TNPO1: variants seen among roughly 807,000 people sequenced by gnomAD.
TNPO1 encodes transportin 1, also known as transportin-1.
Under a neutral mutation model 119.5 loss-of-function variants are expected in TNPO1, and 8 were observed. That is an observed-to-expected ratio of 0.07 (90% CI 0.04 to 0.12). The LOEUF is 0.12. Among genes scored for constraint, TNPO1 ranks in the 10% least tolerant of loss-of-function variants. TNPO1 has a pLI of 1.00. For synonymous variants in TNPO1, 362 were observed against 363.0 expected, an observed-to-expected ratio of 1.00 and a Z score of 0.03; for missense variants, 576 against 1,089.8, an observed-to-expected ratio of 0.53 and a Z score of 6.64.
intron 20 of TNPO1, among the ~76,000 whole-genome samples, chr5:72,897,507 C>A (rs2112477553): frequency 6.6e-6 from 1 of 151,052 alleles, no homozygotes. Context: ...TTTAATCTGT[C>A]CAAATGTAGT....
chr5:72,896,335 T>C, intron 18 of TNPO1, 123 bp from the exon 19 acceptor site: 1 of 518,698 alleles, frequency 1.9e-6, no homozygotes, highest in East Asian at 3.6e-5. Context: ...GTTGCAGTAA[T>C]TTTTTTAATG....
intron 1 of TNPO1, among the ~76,000 whole-genome samples, chr5:72,827,913 C>G (rs1339405126): frequency 1.4e-5 from 2 of 141,874 alleles, no homozygotes; most frequent in African/African-American, 5.3e-5. Context: ...GAGGGAGATC[C>G]TGCCAAAAAA....
intron 13 of TNPO1, among the ~76,000 whole-genome samples, chr5:72,889,118 T>C (rs1251378646): frequency 6.6e-6 from 1 of 152,122 alleles, no homozygotes; most frequent in Non-Finnish European, 1.5e-5. Context: ...AGTGCAGTGG[T>C]GTGATCTTGG....
Position 72,911,319 on chromosome 5 carries a change from CT to C in TNPO1, c.*2657del, listed in dbSNP as rs936170130. ...TGCACCCAGTTTTGTAGTCACTTGA[CT>C]TTTTTTTTTTATTTAAATGAAATTT... On this transcript the variant is annotated 3_prime_UTR_variant, in exon 25 of 25. Coordinates refer to ENST00000337273, the MANE Select transcript of TNPO1 (RefSeq NM_002270.4). 4.8e-3 allele frequency: 695 copies of C among 145,172 alleles called. 4 individuals are homozygous for C. Among genetic ancestry groups the C allele is most frequent in the Middle Eastern group, 0.036 (10 of 278 alleles). 9.0% of individuals were successfully genotyped at this position (145,172 alleles called of 1,614,324 possible). A position where few individuals can be genotyped will look rare whatever the true frequency, so the allele number is the denominator to read the frequency against.
At chr5:72,882,377 T>G in intron 9 of TNPO1, 90 bp from the exon 10 acceptor site, 2 of 873,564 alleles carry the variant, frequency 2.3e-6, no homozygotes, top group Non-Finnish European at 3.6e-6. Flanking sequence ...GATTATCTCA[T>G]TGGTTTTATT....
chr5:72,866,375 AGG>A (rs1746902300), intron 6 of TNPO1, among the ~76,000 whole-genome samples: 1 of 152,214 alleles, frequency 6.6e-6, no homozygotes, highest in East Asian at 1.9e-4. Flanking sequence ...TCACGTTTCC[AGG>A]AAGTTTCCCC....
rs1747507548 is a variant in TNPO1, at chr5:72,872,867, A to G, written c.678+147A>G. 7.8e-6 allele frequency: 4 copies of G among 515,744 alleles called. No individual in the cohort carries two copies. The South Asian group carries it at 1.2e-4, about 15-fold the overall frequency. 31.9% of individuals were successfully genotyped at this position (515,744 alleles called of 1,614,324 possible). A position where few individuals can be genotyped will look rare whatever the true frequency, so the allele number is the denominator to read the frequency against. On this transcript the variant is annotated intron_variant, in intron 7 of 24. Transcript: ENST00000337273. ...ATTTAATTAAATTATTTCTGATAGT[A>G]TTAAAACTGGATATGGGATAGACTA...
chr5:72,816,875 C>T, intron 1 of TNPO1, 123 bp downstream of exon 1: 1 of 1,280,842 alleles, frequency 7.8e-7, no homozygotes, highest in Non-Finnish European at 1.0e-6. Flanking sequence ...GGCGCCTGCC[C>T]GGCCGTTTGA....
At chr5:72,894,478 T>G (rs893714365) in intron 18 of TNPO1, among the ~76,000 whole-genome samples, 1 of 152,210 alleles carries the variant, frequency 6.6e-6, no homozygotes, top group African/African-American at 2.4e-5. Context: ...AAGACCATCC[T>G]GGCTAACACG....
intron 1 of TNPO1, among the ~76,000 whole-genome samples, chr5:72,843,807 T>C (rs918509703): frequency 2.0e-5 from 3 of 152,164 alleles, no homozygotes; most frequent in Non-Finnish European, 4.4e-5. Context: ...AAAATTTTAA[T>C]TGAACCAGAT....
At chr5:72,899,234 G>T (rs1199788529) in intron 20 of TNPO1, among the ~76,000 whole-genome samples, 2 of 152,060 alleles carry the variant, frequency 1.3e-5, no homozygotes, top group African/African-American at 4.8e-5. Context: ...TCATTGCAGT[G>T]GACTGTAAAT....
intron 9 of TNPO1, 78 bp from the exon 10 acceptor site, chr5:72,882,389 G>T: frequency 9.5e-7 from 1 of 1,053,514 alleles, no homozygotes; most frequent in Non-Finnish European, 1.4e-6. Context: ...GGTTTTATTA[G>T]TACATGTAAG....
chr5:72,899,576 GAT>G (rs1749672044), intron 20 of TNPO1, among the ~76,000 whole-genome samples: 1 of 152,012 alleles, frequency 6.6e-6, no homozygotes, highest in South Asian at 2.1e-4. Flanking sequence ...CACATTTACT[GAT>G]ATTTTCTCAT....
At chr5:72,869,789 C>T (rs907749603) in intron 6 of TNPO1, among the ~76,000 whole-genome samples, 2 of 152,154 alleles carry the variant, frequency 1.3e-5, no homozygotes, top group South Asian at 2.1e-4. Context: ...AAACAAATGC[C>T]ATTTATATAG....
At position 72,817,203 on chromosome 5, in the gene TNPO1, C is replaced by T. The variant is rs1242643792; in HGVS notation, c.15+451C>T. On this transcript the variant is annotated intron_variant, in intron 1 of 24. Transcript: ENST00000337273. ...CCAGTCTTTGTCCCGCCCTGGGCCC[C>T]TCTGCCCGGGTCTCCTGCGTCCGCA... Among the ~76,000 whole-genome samples the T allele has an allele frequency of 2.0e-5, 3 of 152,252 alleles. No homozygotes were observed. In the East Asian group the frequency reaches 5.8e-4, roughly 29 times the overall value.
intron 1 of TNPO1, 96 bp from the exon 2 acceptor site, chr5:72,848,289 G>T: frequency 7.4e-7 from 1 of 1,348,018 alleles, no homozygotes; most frequent in Non-Finnish European, 9.7e-7. Context: ...TTGTGGTGGC[G>T]GGGAGAACGG....
In TNPO1 at chr5:72,886,925, T is replaced by C. The variant is rs1748694513; in HGVS notation, c.1151-145T>C. On this transcript the variant is annotated intron_variant, in intron 11 of 24. Transcript: ENST00000337273. ...AAAAAAAAAAAACCACAAAATGTTT[T>C]CACGTGACAAACTACCTCCTATTCA... 4.8e-6 allele frequency: 3 copies of C among 626,794 alleles called. No individual in the cohort carries two copies. In the South Asian group the frequency reaches 1.3e-4, roughly 28 times the overall value. The allele number at this position is 626,794 out of a possible 1,614,324, so 38.8% of individuals were successfully genotyped here. A position where few individuals can be genotyped will look rare whatever the true frequency, so the allele number is the denominator to read the frequency against.
intron 6 of TNPO1, among the ~76,000 whole-genome samples, chr5:72,867,697 T>A (rs547339074): frequency 1.3e-5 from 2 of 152,254 alleles, no homozygotes; most frequent in Non-Finnish European, 2.9e-5. Flanking sequence ...TCTTGATAGA[T>A]AATTTTATTG....
At chr5:72,835,047 C>A (rs1343697669) in intron 1 of TNPO1, among the ~76,000 whole-genome samples, 2 of 152,158 alleles carry the variant, frequency 1.3e-5, no homozygotes, top group Non-Finnish European at 2.9e-5. Flanking sequence ...ACAAGCTATA[C>A]CATATAGCCT....
Sources: gnomAD v4.1 joint callset for allele counts (sites outside exome capture counted in the v4.1 genomes callset) on GRCh38, gnomAD v4.1.1 for gene constraint, MANE v1.5 for transcripts, NCBI Gene and HGNC (gene_info 2026-07-23, HGNC 2026-07-21) for gene names.